Variants in TAFA1 observed in about 807,000 individuals in gnomAD.
TAFA1 encodes the protein TAFA chemokine like family member 1, also known as chemokine-like protein TAFA-1.
TAFA1 carries 4 observed loss-of-function variants against 18.5 expected under a neutral mutation model. The observed-to-expected ratio is 0.22, with a 90% CI of 0.11 to 0.49. The LOEUF (loss-of-function observed/expected upper bound fraction) is 0.49, where lower values mean the gene tolerates loss of function less well. TAFA1 is among the 20% of genes least tolerant of loss of function. The pLI is 0.98. For missense variants in TAFA1, 147 were observed against 169.0 expected, an observed-to-expected ratio of 0.87 and a Z score of 0.72; for synonymous variants, 56 against 55.2, an observed-to-expected ratio of 1.01 and a Z score of -0.06.
intron 2 of TAFA1, among the ~76,000 whole-genome samples, chr3:68,282,938 T>C (rs1237919049): frequency 1.3e-5 from 2 of 152,182 alleles, no homozygotes; most frequent in Non-Finnish European, 2.9e-5. Context: ...TCCTGAATTA[T>C]ACTAGGGTTT....
At chr3:68,414,196 A>G (rs369475979) in intron 2 of TAFA1, among the ~76,000 whole-genome samples, 1 of 152,158 alleles carries the variant, frequency 6.6e-6, no homozygotes, top group Non-Finnish European at 1.5e-5. Flanking sequence ...AATCCCAGCT[A>G]CTTGGGAGGC....
intron 2 of TAFA1, among the ~76,000 whole-genome samples, chr3:68,100,100 C>T (rs1303768708): frequency 6.6e-6 from 1 of 152,000 alleles, no homozygotes; most frequent in Non-Finnish European, 1.5e-5. Context: ...CTCAGCATCA[C>T]TCAATATACC....
At chr3:68,049,145 A>C (rs777691334) in intron 2 of TAFA1, among the ~76,000 whole-genome samples, 44 of 152,310 alleles carry the variant, frequency 2.9e-4, no homozygotes, top group Non-Finnish European at 5.0e-4. Context: ...AACTATATGC[A>C]GTGGCTTTGG....
chr3:68,206,831 C>G (rs1242555542), intron 2 of TAFA1, among the ~76,000 whole-genome samples: 1 of 151,812 alleles, frequency 6.6e-6, no homozygotes, highest in African/African-American at 2.4e-5. Flanking sequence ...GACTGCATGC[C>G]CAGTTACCCT....
chr3:68,505,492 T>C (rs541922354), intron 3 of TAFA1, among the ~76,000 whole-genome samples: 1 of 152,284 alleles, frequency 6.6e-6, no homozygotes, highest in South Asian at 2.1e-4. Flanking sequence ...AAAATGTTTG[T>C]GTGTCAGAAG....
intron 2 of TAFA1, among the ~76,000 whole-genome samples, chr3:68,059,275 C>G (rs1396976232): frequency 1.3e-5 from 2 of 152,120 alleles, no homozygotes; most frequent in African/African-American, 4.8e-5. Flanking sequence ...CGCATGCACA[C>G]ACACACACAC....
chr3:68,537,946 A>T (rs2073301852), intron 3 of TAFA1, among the ~76,000 whole-genome samples: 1 of 152,160 alleles, frequency 6.6e-6, no homozygotes, highest in Non-Finnish European at 1.5e-5. Context: ...TTATCACTCA[A>T]ATTAGGCTCC....
In TAFA1 at chr3:68,207,760, C is replaced by G. The variant is rs889822501; in HGVS notation, c.118+201016C>G. On this transcript the variant is annotated intron_variant, in intron 2 of 4. Coordinates refer to ENST00000478136, the MANE Select transcript of TAFA1 (RefSeq NM_213609.4). ...ATTACTAATGTTTATTAATCCCTTA[C>G]TATATGTCAGGCACTGCATATCTCA... is the stretch of plus-strand genomic sequence containing the variant. Among the ~76,000 whole-genome samples the G allele has an allele frequency of 2.0e-5, 3 of 151,966 alleles. No individual in the cohort carries two copies. The South Asian group carries it at 6.2e-4, about 31-fold the overall frequency.
chr3:68,375,224 G>A (rs1349023609), intron 2 of TAFA1, among the ~76,000 whole-genome samples: 7 of 152,016 alleles, frequency 4.6e-5, no homozygotes, highest in Non-Finnish European at 1.0e-4. Flanking sequence ...GCAAGAGCTT[G>A]CTTTTGTTAG....
intron 3 of TAFA1, among the ~76,000 whole-genome samples, chr3:68,432,922 T>G (rs2071204897): frequency 6.6e-6 from 1 of 152,012 alleles, no homozygotes; most frequent in South Asian, 2.1e-4. Flanking sequence ...TGCCTTTCTC[T>G]TCTCACTATA....
chr3:68,342,578 A>G (rs2069102850), intron 2 of TAFA1, among the ~76,000 whole-genome samples: 1 of 152,364 alleles, frequency 6.6e-6, no homozygotes, highest in East Asian at 1.9e-4. Flanking sequence ...TTGAGATAGC[A>G]AAGTAATTTT....
intron 2 of TAFA1, among the ~76,000 whole-genome samples, chr3:68,329,641 G>A (rs2068831597): frequency 6.6e-6 from 1 of 152,114 alleles, no homozygotes; most frequent in Admixed American, 6.5e-5. Context: ...CTCATATGTT[G>A]ACCATTGGCT....
chr3:68,072,585 A>G (rs563068026), intron 2 of TAFA1, among the ~76,000 whole-genome samples: 171 of 152,268 alleles, frequency 1.1e-3, no homozygotes, highest in Non-Finnish European at 1.6e-3. Flanking sequence ...CATTTAGGAG[A>G]TAAAATAGGC....
At chr3:68,076,397 G>A (rs1183847497) in intron 2 of TAFA1, among the ~76,000 whole-genome samples, 6 of 151,198 alleles carry the variant, frequency 4.0e-5, no homozygotes, top group Non-Finnish European at 8.8e-5. Context: ...ATGCTGGTGC[G>A]CTGCACCCAC....
intron 2 of TAFA1, among the ~76,000 whole-genome samples, chr3:68,214,680 G>A (rs1033082514): frequency 6.6e-6 from 1 of 152,020 alleles, no homozygotes; most frequent in Non-Finnish European, 1.5e-5. Context: ...GATATTATGT[G>A]CTAAATTCTT....
At chr3:68,250,543 A>G (rs9829193) in intron 2 of TAFA1, among the ~76,000 whole-genome samples, 27,812 of 152,008 alleles carry the variant, frequency 0.18, 3,132 homozygotes, top group Admixed American at 0.31. Flanking sequence ...CCTAGGAATA[A>G]CACACAATAC....
At chr3:68,533,484 C>T (rs767210629) in intron 3 of TAFA1, among the ~76,000 whole-genome samples, 1 of 152,088 alleles carries the variant, frequency 6.6e-6, no homozygotes, top group Non-Finnish European at 1.5e-5. Context: ...TGGGTGGGCA[C>T]ACAGCCAAAC....
chr3:68,085,890 G>A (rs1011837182), intron 2 of TAFA1, among the ~76,000 whole-genome samples: 2 of 152,186 alleles, frequency 1.3e-5, no homozygotes, highest in Admixed American at 1.3e-4. Flanking sequence ...ACAGTATCCA[G>A]CCATGCCTGA....
At chr3:68,276,711 T>C (rs545864410) in intron 2 of TAFA1, among the ~76,000 whole-genome samples, 5 of 152,160 alleles carry the variant, frequency 3.3e-5, no homozygotes, top group Non-Finnish European at 7.4e-5. Flanking sequence ...AATTGTAGAG[T>C]AAACCTCCTT....
Sources: gnomAD v4.1 joint callset for allele counts (sites outside exome capture counted in the v4.1 genomes callset) on GRCh38, gnomAD v4.1.1 for gene constraint, MANE v1.5 for transcripts, NCBI Gene and HGNC (gene_info 2026-07-23, HGNC 2026-07-21) for gene names.